ELMO1: variants seen among roughly 807,000 people sequenced by gnomAD.
ELMO1 encodes the protein engulfment and cell motility 1.
A neutral mutation model predicts 98.9 loss-of-function variants in ELMO1; 26 were observed. The ratio of observed to expected loss-of-function variants is 0.26; its 90% CI spans 0.19 to 0.36. ELMO1 has a LOEUF of 0.36. ELMO1 is among the 10% of genes least tolerant of loss of function. ELMO1 has a pLI of 1.00. For missense variants in ELMO1, 627 were observed against 935.2 expected (o/e 0.67, Z 4.30); for synonymous variants, 346 against 346.0 (o/e 1.00, Z 0.00).
chr7:37,112,368 G>C (rs1162012304), intron 14 of ELMO1, among the ~76,000 whole-genome samples: 1 of 152,144 alleles, frequency 6.6e-6, no homozygotes. Flanking sequence ...CCAGGGATAA[G>C]TGGGCAAGCA....
intron 16 of ELMO1, among the ~76,000 whole-genome samples, chr7:36,991,263 C>T (rs1161378869): frequency 6.6e-6 from 1 of 152,190 alleles, no homozygotes; most frequent in East Asian, 1.9e-4. Context: ...CACACACGTG[C>T]ACATGCATGA....
intron 21 of ELMO1, 89 bp downstream of exon 21, chr7:36,861,562 TCAGGCAGG>T: frequency 7.1e-7 from 1 of 1,400,192 alleles, no homozygotes; most frequent in Admixed American, 1.9e-5. Flanking sequence ...CATCATTTTT[TCAGGCAGG>T]TCTATTTTTC....
intron 14 of ELMO1, among the ~76,000 whole-genome samples, chr7:37,100,694 G>T (rs566826596): frequency 2.0e-5 from 3 of 152,304 alleles, no homozygotes; most frequent in African/African-American, 7.2e-5. Flanking sequence ...CTTCCACTGT[G>T]AACCTTTTTC....
intron 4 of ELMO1, among the ~76,000 whole-genome samples, chr7:37,290,586 A>C (rs762320628): frequency 6.6e-6 from 1 of 152,220 alleles, no homozygotes; most frequent in Non-Finnish European, 1.5e-5. Flanking sequence ...ATTCTGAGGT[A>C]CCTAGGCATA....
chr7:36,959,248 G>A (rs1253214959), intron 16 of ELMO1, among the ~76,000 whole-genome samples: 1 of 151,616 alleles, frequency 6.6e-6, no homozygotes, highest in African/African-American at 2.4e-5. Flanking sequence ...TCTGCAGCAG[G>A]GGCCTCCTCA....
intron 1 of ELMO1, among the ~76,000 whole-genome samples, chr7:37,417,084 A>C (rs929405176): frequency 6.6e-6 from 1 of 152,162 alleles, no homozygotes. Flanking sequence ...ACGATCCTAG[A>C]AGAGGGCACC....
At chr7:36,863,829 C>G (rs1005150782) in intron 20 of ELMO1, among the ~76,000 whole-genome samples, 22 of 151,868 alleles carry the variant, frequency 1.4e-4, no homozygotes, top group Middle Eastern at 3.2e-3. Context: ...ACTTTTTTTT[C>G]AACAAAATGC....
At chr7:37,160,656 A>G (rs555965680) in intron 13 of ELMO1, among the ~76,000 whole-genome samples, 11 of 152,298 alleles carry the variant, frequency 7.2e-5, no homozygotes, top group East Asian at 1.9e-4. Flanking sequence ...CAAAAGAATC[A>G]TAAGTAGCCC....
intron 16 of ELMO1, among the ~76,000 whole-genome samples, chr7:36,979,715 A>G (rs1414972485): frequency 6.6e-6 from 1 of 152,156 alleles, no homozygotes; most frequent in Admixed American, 6.5e-5. Flanking sequence ...GTATATGACA[A>G]AGTTTCTGAA....
intron 4 of ELMO1, among the ~76,000 whole-genome samples, chr7:37,286,054 AAC>A (rs1491069664): frequency 6.6e-6 from 1 of 151,904 alleles, no homozygotes; most frequent in African/African-American, 2.4e-5. Context: ...GAAAAAAAAA[AAC>A]ATTTTTAAAG....
intron 16 of ELMO1, among the ~76,000 whole-genome samples, chr7:36,997,364 T>C (rs930594730): frequency 1.4e-4 from 22 of 152,228 alleles, no homozygotes; most frequent in African/African-American, 4.6e-4. Flanking sequence ...TGATTTTTCA[T>C]GCTGGCATGT....
chr7:37,184,376 T>C lies in ELMO1; in HGVS notation c.1086+27010A>G, dbSNP rs558923346. ...CATGTGTGGTTCAGAGTCAGAGATG[T>C]GGGGAGACACGGTTTAGGGGCACCC... On this transcript the variant is annotated intron_variant, in intron 13 of 21. Coordinates refer to ENST00000310758, the MANE Select transcript of ELMO1 (RefSeq NM_014800.11). Among the ~76,000 whole-genome samples the C allele has an allele frequency of 2.0e-5, 3 of 152,274 alleles. No individual in the cohort carries two copies. The East Asian group carries it at 5.8e-4, about 29-fold the overall frequency.
chr7:36,950,778 G>A (rs933724201), intron 16 of ELMO1, among the ~76,000 whole-genome samples: 12 of 152,180 alleles, frequency 7.9e-5, no homozygotes, highest in African/African-American at 1.2e-4. Flanking sequence ...CAGGGGTCTG[G>A]GCTGAACTGA....
At chr7:37,023,391 G>A (rs1437541067) in intron 15 of ELMO1, among the ~76,000 whole-genome samples, 3 of 152,136 alleles carry the variant, frequency 2.0e-5, no homozygotes, top group Non-Finnish European at 4.4e-5. Flanking sequence ...TTTTCAGAAT[G>A]AGTGTGTATA....
At position 36,887,677 on chromosome 7, in the gene ELMO1, T is replaced by C. The variant is rs1014355929; in HGVS notation, c.1602-5A>G. 1 of 1,613,724 alleles carries C rather than the reference T, an allele frequency of 6.2e-7. No homozygotes were observed. Among genetic ancestry groups the C allele is most frequent in the Non-Finnish European group, 8.5e-7 (1 of 1,179,712 alleles). ...TGAATCTTCTCCTTTAGTTCCCTGTTAGAGGAAAAACACATATTCCACAGC... is the reference window on the plus strand; with the variant it reads ...TGAATCTTCTCCTTTAGTTCCCTGTCAGAGGAAAAACACATATTCCACAGC... On this transcript the variant is annotated splice_region_variant and splice_polypyrimidine_tract_variant and intron_variant, in intron 17 of 21. Coordinates refer to ENST00000310758, the MANE Select transcript of ELMO1 (RefSeq NM_014800.11).
chr7:36,994,969 G>C (rs533405773), intron 16 of ELMO1, among the ~76,000 whole-genome samples: 2 of 152,260 alleles, frequency 1.3e-5, no homozygotes, highest in Non-Finnish European at 2.9e-5. Flanking sequence ...GGAATGTCAA[G>C]ATAAAGAAAT....
At chr7:36,909,446 A>C (rs1020948021) in intron 16 of ELMO1, among the ~76,000 whole-genome samples, 1 of 152,256 alleles carries the variant, frequency 6.6e-6, no homozygotes, top group Non-Finnish European at 1.5e-5. Context: ...TGGGGCAGGC[A>C]GAACTGCCAT....
intron 8 of ELMO1, among the ~76,000 whole-genome samples, chr7:37,232,041 C>T (rs908259862): frequency 3.3e-5 from 5 of 152,070 alleles, no homozygotes; most frequent in African/African-American, 4.8e-5. Flanking sequence ...TTCATAGAGA[C>T]GAGGTTTCAC....
chr7:36,877,561 T>G (rs1466440348), intron 19 of ELMO1, among the ~76,000 whole-genome samples: 1 of 152,226 alleles, frequency 6.6e-6, no homozygotes, highest in Non-Finnish European at 1.5e-5. Flanking sequence ...CTAGCTATAT[T>G]TGGCTCTGCC....
Sources: gnomAD v4.1 joint callset for allele counts (sites outside exome capture counted in the v4.1 genomes callset) on GRCh38, gnomAD v4.1.1 for gene constraint, MANE v1.5 for transcripts, NCBI Gene and HGNC (gene_info 2026-07-23, HGNC 2026-07-21) for gene names.